The following NBAS variants were observed in gnomAD, a reference collection of about 807,000 sequenced individuals.
NBAS encodes NAG/BC035112 fusion.
Under a neutral mutation model 302.5 loss-of-function variants are expected in NBAS, and 219 were observed. That is an observed-to-expected ratio of 0.72 (90% CI 0.65 to 0.81). The LOEUF is 0.81. Among genes scored for constraint, NBAS ranks in the 30% least tolerant of loss-of-function variants. The probability of loss-of-function intolerance (pLI) is 0.00; values close to 1 mark genes in which losing one functional copy is unlikely to be tolerated. For synonymous variants in NBAS, 1,118 were observed against 1,021.6 expected, an observed-to-expected ratio of 1.09 and a Z score of -1.80; for missense variants, 2,932 against 2,841.6, an observed-to-expected ratio of 1.03 and a Z score of -0.72.
At chr2:14,914,170 A>G in the NBAS span, among the ~76,000 whole-genome samples, 1 of 152,180 alleles carries the variant, frequency 6.6e-6, no homozygotes, top group African/African-American at 2.4e-5. Flanking sequence ...TGATTCAATT[A>G]TCTCCCACTG....
the NBAS span, among the ~76,000 whole-genome samples, chr2:14,932,305 A>G: frequency 1.3e-5 from 2 of 152,242 alleles, no homozygotes; most frequent in African/African-American, 4.8e-5. Context: ...ACAAAAAGGG[A>G]GCAAGAATGA....
chr2:15,015,361 C>T, the NBAS span, among the ~76,000 whole-genome samples: 1 of 151,954 alleles, frequency 6.6e-6, no homozygotes, highest in Admixed American at 6.6e-5. Flanking sequence ...CCCTATATGC[C>T]TGATGAACAA....
At chr2:15,394,043 T>C (rs1450672037) in intron 28 of NBAS, among the ~76,000 whole-genome samples, 184 bp downstream of exon 28, 2 of 152,120 alleles carry the variant, frequency 1.3e-5, no homozygotes, top group East Asian at 3.8e-4. Context: ...GTTTATTATC[T>C]TAATCATAAT....
intron 51 of NBAS, among the ~76,000 whole-genome samples, chr2:15,173,203 G>T (rs1313988709): frequency 2.6e-5 from 4 of 152,146 alleles, no homozygotes; most frequent in African/African-American, 9.7e-5. Flanking sequence ...TCTTGGGAAA[G>T]AAATCTATTA....
chr2:14,852,932 T>A, the NBAS span, among the ~76,000 whole-genome samples: 1 of 143,252 alleles, frequency 7.0e-6, no homozygotes, highest in African/African-American at 2.6e-5. Context: ...CAAGATGGAT[T>A]AAAGATTTAA....
the NBAS span, among the ~76,000 whole-genome samples, chr2:15,161,676 G>T: frequency 2.0e-5 from 3 of 152,328 alleles, no homozygotes; most frequent in East Asian, 5.8e-4. Flanking sequence ...GCATCCAGAT[G>T]GGGGAACTTG....
chr2:15,360,335 AAAAAAAAAAAAC>A (rs1340140127), intron 32 of NBAS, among the ~76,000 whole-genome samples: 3 of 112,768 alleles, frequency 2.7e-5, no homozygotes, highest in Admixed American at 1.9e-4. Flanking sequence ...TAACTTAAAA[AAAAAAAAAAAAC>A]AAAACAAAAC....
the NBAS span, among the ~76,000 whole-genome samples, chr2:15,085,134 AC>A: frequency 6.6e-6 from 1 of 152,146 alleles, no homozygotes; most frequent in Non-Finnish European, 1.5e-5. Context: ...GGGCAGAGGG[AC>A]CCGAGGCAGA....
At chr2:15,214,820 G>C (rs1666580403) in intron 48 of NBAS, among the ~76,000 whole-genome samples, 1 of 152,138 alleles carries the variant, frequency 6.6e-6, no homozygotes, top group African/African-American at 2.4e-5. Context: ...GGGTTAATAT[G>C]TCCCTGAACA....
intron 44 of NBAS, among the ~76,000 whole-genome samples, chr2:15,245,124 C>G (rs1354163207): frequency 6.6e-6 from 1 of 152,160 alleles, no homozygotes; most frequent in Non-Finnish European, 1.5e-5. Flanking sequence ...AAACACACAT[C>G]TGCTCCAGCC....
chr2:14,959,185 A>G, the NBAS span, among the ~76,000 whole-genome samples: 1 of 152,210 alleles, frequency 6.6e-6, no homozygotes, highest in Admixed American at 6.5e-5. Context: ...CTGTTCCCTC[A>G]TCTGCAAAGA....
At chr2:15,538,377 GA>G (rs5829509) in intron 7 of NBAS, 266,486 of 441,414 alleles carry the variant, frequency 0.6, 83,171 homozygotes, top group Non-Finnish European at 0.66. Flanking sequence ...CATTATTTCT[GA>G]AAAAAAAATC....
chr2:15,475,763 A>T lies in NBAS; in HGVS notation c.1265T>A (p.Leu422Gln), dbSNP rs2148588668. 1 of 1,614,136 alleles carries T rather than the reference A, an allele frequency of 6.2e-7. No homozygotes were observed. The highest frequency in any genetic ancestry group is 8.5e-7 in the Non-Finnish European group (1 of 1,179,990). ...TTCAAACCATTCACAGGATTTTCCC[A>T]GTAAATTCTTCAAAGTTTTCACAGA... ...VSSVKTLKNL[L>Q]GKSCEWFEPS... The change falls in exon 14 of 52, where the codon CTG becomes CAG. Residue 422 changes from leucine to glutamine, a missense_variant. Physicochemically the swap from Leu to Gln is moderately radical, Grantham distance 113. Coordinates refer to ENST00000281513, the MANE Select transcript of NBAS (RefSeq NM_015909.4).
the NBAS span, among the ~76,000 whole-genome samples, chr2:14,817,827 T>G: frequency 3.9e-5 from 6 of 152,238 alleles, no homozygotes; most frequent in East Asian, 1.2e-3. Context: ...AAACTAAAAG[T>G]AAGAATTCCC....
At chr2:15,396,568 T>C (rs1675877613) in intron 26 of NBAS, 93 bp from the exon 27 acceptor site, 1 of 813,912 alleles carries the variant, frequency 1.2e-6, no homozygotes, top group Non-Finnish European at 1.9e-6. Context: ...AAAAAAGATG[T>C]TTCTTTTATA....
At chr2:15,054,789 C>T in the NBAS span, among the ~76,000 whole-genome samples, 1 of 152,134 alleles carries the variant, frequency 6.6e-6, no homozygotes, top group African/African-American at 2.4e-5. Flanking sequence ...GTTTCCAGGG[C>T]ATCTTTTAAG....
chr2:15,360,531 G>A (rs1325435543), intron 32 of NBAS, among the ~76,000 whole-genome samples: 2 of 151,456 alleles, frequency 1.3e-5, no homozygotes, highest in Non-Finnish European at 2.9e-5. Context: ...TTTATTTTTT[G>A]TAGAGACAGG....
At chr2:14,922,582 A>G in the NBAS span, among the ~76,000 whole-genome samples, 1 of 152,114 alleles carries the variant, frequency 6.6e-6, no homozygotes. Context: ...CTCTTCTTAT[A>G]AGGACACCAA....
the NBAS span, among the ~76,000 whole-genome samples, chr2:15,042,842 C>T: frequency 6.6e-6 from 1 of 152,214 alleles, no homozygotes; most frequent in Non-Finnish European, 1.5e-5. Flanking sequence ...AACCAGAAAG[C>T]AGCAGTCTTT....
Sources: allele counts gnomAD v4.1 joint callset (sites outside exome capture counted in the v4.1 genomes callset), GRCh38; gene constraint gnomAD v4.1.1; transcripts MANE v1.5; gene names NCBI Gene and HGNC (gene_info 2026-07-23, HGNC 2026-07-21).